The following PCDHGA2 variants were observed in gnomAD, a reference collection of about 807,000 sequenced individuals.
PCDHGA2 encodes protocadherin gamma-A2.
PCDHGA2 carries 40 observed loss-of-function variants against 59.2 expected under a neutral mutation model. That is an observed-to-expected ratio of 0.68 (90% CI 0.52 to 0.88). The LOEUF is 0.88. PCDHGA2 is among the 40% of genes least tolerant of loss of function. The probability of loss-of-function intolerance (pLI) is 0.00; values close to 1 mark genes in which losing one functional copy is unlikely to be tolerated. For missense variants in PCDHGA2, 1,226 were observed against 1,204.0 expected, an observed-to-expected ratio of 1.02 and a Z score of -0.27; for synonymous variants, 560 against 526.0, an observed-to-expected ratio of 1.06 and a Z score of -0.89.
intron 1 of PCDHGA2, chr5:141,365,681 A>T: frequency 6.2e-7 from 1 of 1,613,224 alleles, no homozygotes. Flanking sequence ...CAACCCACCC[A>T]ATTTCCCTCA....
chr5:141,431,435 GC>G lies in PCDHGA2; in HGVS notation c.2425-63371del. On this transcript the variant is annotated intron_variant, in intron 1 of 3. Coordinates refer to ENST00000394576, the MANE Select transcript of PCDHGA2 (RefSeq NM_018915.4). The surrounding 1 kb of genome is among the most constrained non-coding windows in gnomAD (Gnocchi z 4.8). The stretch of plus-strand genomic sequence containing the variant: ...GGGCGACCCGGTGCGCACAGGCACC[GC>G]GCGCATCCGCGTGATGGTTCTGGAT... 1.9e-6 allele frequency: 3 copies of G among 1,613,668 alleles called. No individual in the cohort carries two copies. The highest frequency in any genetic ancestry group is 2.5e-6 in the Non-Finnish European group (3 of 1,180,026).
chr5:141,352,099 C>A, intron 1 of PCDHGA2: 1 of 1,605,968 alleles, frequency 6.2e-7, no homozygotes, highest in South Asian at 1.1e-5. Flanking sequence ...CCGGGCTCTT[C>A]AGCCTGGGGT....
intron 1 of PCDHGA2, chr5:141,375,591 C>T (rs1177848611): frequency 6.2e-7 from 1 of 1,614,194 alleles, no homozygotes; most frequent in East Asian, 2.2e-5. Flanking sequence ...CCCCTGTCCT[C>T]CTACGTGTCC....
At chr5:141,401,239 G>A (rs1024455506) in intron 1 of PCDHGA2, among the ~76,000 whole-genome samples, 6 of 152,154 alleles carry the variant, frequency 3.9e-5, no homozygotes, top group Admixed American at 6.5e-5. Flanking sequence ...CTACTCAGGA[G>A]GCTAAGACAG....
rs1002764667 is a variant in PCDHGA2, at chr5:141,468,260, G to A, written c.2425-26547G>A. 4.0e-5 allele frequency among the ~76,000 whole-genome samples: 6 copies of A among 150,102 alleles called. No homozygotes were observed. The East Asian group carries it at 1.2e-3, about 30-fold the overall frequency. ...GAATTGCCTGAACCTGGGAGGCAGA[G>A]GTTGTGGTGAGCCGAGACCACGCCA... On this transcript the variant is annotated intron_variant, in intron 1 of 3. Coordinates refer to ENST00000394576, the MANE Select transcript of PCDHGA2 (RefSeq NM_018915.4).
At chr5:141,465,826 T>A (rs1402342209) in intron 1 of PCDHGA2, among the ~76,000 whole-genome samples, 1 of 151,994 alleles carries the variant, frequency 6.6e-6, no homozygotes, top group Non-Finnish European at 1.5e-5. Context: ...CACATTTGTT[T>A]AAAATTTCAA....
rs761017569 is a variant in PCDHGA2, at chr5:141,346,254, G to T, written c.2424+4859G>T. ...GGCGAGTACGCCCGGCTCGCACTTT[G>T]TGGGCGCGGACGGGGTTCGGGCTTT... On this transcript the variant is annotated intron_variant, in intron 1 of 3. Transcript: ENST00000394576. 5.0e-6 allele frequency: 8 copies of T among 1,614,216 alleles called. No individual in the cohort carries two copies. In the Admixed American group the frequency reaches 5.0e-5, roughly 10 times the overall value.
Position 141,485,582 on chromosome 5 carries a change from C to G in PCDHGA2, c.2425-9225C>G. The G allele has an allele frequency of 6.2e-7, 1 of 1,612,374 alleles. No individual in the cohort carries two copies. Among genetic ancestry groups the G allele is most frequent in the South Asian group, 1.1e-5 (1 of 90,956 alleles). On this transcript the variant is annotated intron_variant, in intron 1 of 3. Transcript: ENST00000394576. The surrounding 1 kb of genome is among the most constrained non-coding windows in gnomAD (Gnocchi z 5.7). ...TCACGCCCCCCGTTTTCCGCGGCAG[C>G]AGCTGGACTTGGAAATTGGGGAGGC...
rs760680204 is a variant in PCDHGA2, at chr5:141,477,505, CG to C, written c.2425-17301del. ...CACAATCTTCTCAATCTTCCTACGA[CG>C]TTTACATTGAAGAAAACAACCTCCC... On this transcript the variant is annotated intron_variant, in intron 1 of 3. Coordinates refer to ENST00000394576, the MANE Select transcript of PCDHGA2 (RefSeq NM_018915.4). The surrounding 1 kb of genome is among the most constrained non-coding windows in gnomAD (Gnocchi z 4.9). The C allele has an allele frequency of 1.2e-5, 19 of 1,614,008 alleles. No individual in the cohort carries two copies. The highest frequency in any genetic ancestry group is 8.5e-7 in the Non-Finnish European group (1 of 1,180,018).
intron 1 of PCDHGA2, chr5:141,364,225 G>T (rs1763227856): frequency 2.9e-6 from 4 of 1,362,414 alleles, no homozygotes; most frequent in Non-Finnish European, 3.9e-6. Flanking sequence ...AAAAGCCAAC[G>T]CTCCACGCCC....
Position 141,489,524 on chromosome 5 carries a change from T to TA in PCDHGA2, c.2425-5282dup. Reference sequence around the variant, plus strand: ...AATCAAAAGATTGACCGAGAAAGCCTATGTGGAGCCAGCACCAGCTGCCTG... The same window carrying TA: ...AATCAAAAGATTGACCGAGAAAGCCTAATGTGGAGCCAGCACCAGCTGCCTG... On this transcript the variant is annotated intron_variant, in intron 1 of 3. Transcript: ENST00000394576. This position sits in a 1 kb window ranked among gnomAD's most constrained non-coding sequence, Gnocchi z 4.5. 6.2e-7 allele frequency: 1 copy of TA among 1,614,076 alleles called. No homozygotes were observed. Among genetic ancestry groups the TA allele is most frequent in the Non-Finnish European group, 8.5e-7 (1 of 1,180,010 alleles).
At chr5:141,481,913 CA>C (rs34114744) in intron 1 of PCDHGA2, among the ~76,000 whole-genome samples, 39,195 of 90,872 alleles carry the variant, frequency 0.43, 5,902 homozygotes, top group Admixed American at 0.51. Flanking sequence ...AACTCCATCT[CA>C]AAAAAAAAAA....
intron 1 of PCDHGA2, chr5:141,387,968 G>C (rs1169859236): frequency 6.7e-7 from 1 of 1,489,402 alleles, no homozygotes; most frequent in Non-Finnish European, 9.0e-7. Context: ...TCTGCCCGGC[G>C]CTCTGTGAGC....
chr5:141,423,569 TC>T (rs2096755253), intron 1 of PCDHGA2: 1 of 1,613,362 alleles, frequency 6.2e-7, no homozygotes, highest in Non-Finnish European at 8.5e-7. Context: ...GACACGCTCA[TC>T]AGCCAGGAGA....
chr5:141,389,850 GC>G (rs757946267), intron 1 of PCDHGA2: 1 of 1,614,070 alleles, frequency 6.2e-7, no homozygotes, highest in Non-Finnish European at 8.5e-7. Context: ...CTCGGCCACT[GC>G]CACGTTGCAC....
intron 1 of PCDHGA2, chr5:141,382,606 GA>G: frequency 3.6e-6 from 1 of 276,248 alleles, no homozygotes; most frequent in African/African-American, 2.2e-5. Flanking sequence ...AATTTTCTAT[GA>G]AATCAGTGTA....
rs200715621 is a variant in PCDHGA2 at position 141,432,628 on chromosome 5, G to A, written c.2425-62179G>A. 3.2e-4 allele frequency: 515 copies of A among 1,611,902 alleles called. No individual in the cohort carries two copies. Among genetic ancestry groups the A allele is most frequent in the Non-Finnish European group, 4.2e-4 (497 of 1,179,404 alleles). On this transcript the variant is annotated intron_variant, in intron 1 of 3. Coordinates refer to ENST00000394576, the MANE Select transcript of PCDHGA2 (RefSeq NM_018915.4). The surrounding 1 kb of genome is among the most constrained non-coding windows in gnomAD (Gnocchi z 6.0). ...GACTCTTCTCGGTGGGTCTGCACAC[G>A]GGCGAGGTGCGCACGGCGCGAGCCC...
chr5:141,403,362 G>A lies in PCDHGA2; in HGVS notation c.2424+61967G>A, dbSNP rs200979571. 157 of 1,613,944 alleles carry A rather than the reference G, an allele frequency of 9.7e-5. No homozygotes were observed. Among genetic ancestry groups the A allele is most frequent in the Admixed American group, 4.3e-4 (26 of 60,012 alleles). On this transcript the variant is annotated intron_variant, in intron 1 of 3. Transcript: ENST00000394576. ...AGCGCCCCAAAGTTCCAGGCCGAAA[G>A]TCTGGAAGTAAAAATTAACGAAATC... is the stretch of plus-strand genomic sequence containing the variant.
At chr5:141,428,066 A>T in intron 1 of PCDHGA2, 2 of 1,609,118 alleles carry the variant, frequency 1.2e-6, no homozygotes, top group Non-Finnish European at 1.7e-6. Context: ...CGGTGGACGC[A>T]GATTCGGGAC....
Sources: allele counts gnomAD v4.1 joint callset (sites outside exome capture counted in the v4.1 genomes callset), GRCh38; gene constraint gnomAD v4.1.1; non-coding constraint Gnocchi (gnomAD v3.1); transcripts MANE v1.5; gene names NCBI Gene and HGNC (gene_info 2026-07-23, HGNC 2026-07-21).